The following EFHD2 variants were observed in gnomAD, a reference collection of about 807,000 sequenced individuals.
EFHD2 encodes the protein EF-hand domain family member D2.
EFHD2 carries 12 observed loss-of-function variants against 20.3 expected under a neutral mutation model. The ratio of observed to expected loss-of-function variants is 0.59; its 90% CI spans 0.38 to 0.96. EFHD2 has a LOEUF of 0.96. EFHD2 is among the 40% of genes least tolerant of loss of function. EFHD2 has a pLI of 0.00. For synonymous variants in EFHD2, 131 were observed against 143.9 expected (o/e 0.91, Z 0.64); for missense variants, 250 against 334.3 (o/e 0.75, Z 1.97).
chr1:15,426,651 G>C lies in EFHD2; in HGVS notation c.457-499G>C, dbSNP rs1016782395. ...AAGGAGAGAGGTGGCAGGGGCAGGTGGGGGAGTGCGAGTGGCTGGGCGGGA... is the reference window on the plus strand; with the variant it reads ...AAGGAGAGAGGTGGCAGGGGCAGGTCGGGGAGTGCGAGTGGCTGGGCGGGA... On this transcript the variant is annotated intron_variant, in intron 2 of 3. Coordinates refer to ENST00000375980, the MANE Select transcript of EFHD2 (RefSeq NM_024329.6). This position sits in a 1 kb window ranked among gnomAD's most constrained non-coding sequence, Gnocchi z 4.6. Among the ~76,000 whole-genome samples, 4 of 152,150 alleles carry C rather than the reference G, an allele frequency of 2.6e-5. No individual in the cohort carries two copies. The highest frequency in any genetic ancestry group is 1.9e-4 in the East Asian group (1 of 5,192).
At position 15,412,990 on chromosome 1, in the gene EFHD2, C is replaced by T. The variant is rs534171674; in HGVS notation, c.308+2711C>T. ...GAAGCAAGTGCTGCCTGCCAGGGCC[C>T]GGGTGAGGGTGGAAAGCTGCAGATT... On this transcript the variant is annotated intron_variant, in intron 1 of 3. Transcript: ENST00000375980. 4.6e-5 allele frequency among the ~76,000 whole-genome samples: 7 copies of T among 152,102 alleles called. No individual in the cohort carries two copies. The East Asian group carries it at 9.7e-4, about 21-fold the overall frequency.
At chr1:15,423,083 C>T (rs1205552567) in intron 1 of EFHD2, among the ~76,000 whole-genome samples, 2 of 152,158 alleles carry the variant, frequency 1.3e-5, no homozygotes, top group African/African-American at 2.4e-5. Context: ...GGTCATGTGG[C>T]GCCCGCCCAG....
intron 1 of EFHD2, among the ~76,000 whole-genome samples, chr1:15,416,204 C>T (rs1707667107): frequency 6.6e-6 from 1 of 152,180 alleles, no homozygotes; most frequent in Non-Finnish European, 1.5e-5. Context: ...TCCTCGCTCT[C>T]CTCCATGCTA....
chr1:15,427,307 T>G (rs2103280918), intron 3 of EFHD2, 23 bp downstream of exon 3: 2 of 1,595,774 alleles, frequency 1.3e-6, no homozygotes, highest in Non-Finnish European at 8.5e-7. Flanking sequence ...AGGGGTGCCC[T>G]GACCCACGCT....
At chr1:15,422,780 G>A (rs1393464917) in intron 1 of EFHD2, among the ~76,000 whole-genome samples, 3 of 152,154 alleles carry the variant, frequency 2.0e-5, no homozygotes, top group Non-Finnish European at 2.9e-5. Flanking sequence ...AGAATGGAGT[G>A]AACCCAGGAG....
At chr1:15,427,320 A>T in intron 3 of EFHD2, 36 bp downstream of exon 3, 1 of 1,586,018 alleles carries the variant, frequency 6.3e-7, no homozygotes, top group East Asian at 2.3e-5. Flanking sequence ...CCCACGCTCC[A>T]GGACAAGGGG....
At chr1:15,425,231 G>C (rs559401116) in intron 1 of EFHD2, among the ~76,000 whole-genome samples, 50 of 152,252 alleles carry the variant, frequency 3.3e-4, no homozygotes, top group East Asian at 2.7e-3. Context: ...GTGGTATTGA[G>C]AATTCCTTCT....
intron 1 of EFHD2, among the ~76,000 whole-genome samples, chr1:15,412,034 C>T (rs950631787): frequency 6.6e-6 from 1 of 152,022 alleles, no homozygotes; most frequent in Non-Finnish European, 1.5e-5. Context: ...GTCCTTGACC[C>T]CCGGCCCCTC....
chr1:15,410,202 C>T lies in EFHD2; in HGVS notation c.231C>T (p.Arg77=). 1 of 1,605,982 alleles carries T rather than the reference C, an allele frequency of 6.2e-7. No homozygotes were observed. Among genetic ancestry groups the T allele is most frequent in the Non-Finnish European group, 8.5e-7 (1 of 1,177,156 alleles). ...QGIGEPQSPS[R]RVFNPYTEFK... ...TCGGCGAGCCCCAGTCGCCCAGCCG[C>T]CGCGTCTTCAACCCCTACACCGAGT... The change falls in exon 1 of 4, where the codon CGC becomes CGT. Residue 77 remains arginine (R), a synonymous_variant. Transcript: ENST00000375980.
In EFHD2 at chr1:15,429,146, G is replaced by T. The variant is rs965737719; in HGVS notation, c.*422G>T. 2.9e-4 allele frequency: 57 copies of T among 197,134 alleles called. No homozygotes were observed. The highest frequency in any genetic ancestry group is 1.2e-3 in the African/African-American group (51 of 42,386). The allele number at this position is 197,134 out of a possible 1,614,324, so 12.2% of individuals were successfully genotyped here. ...CTCCAGCAGGCCGCACCGCCCCTGG[G>T]GCCCCCTGCCAGCCCCTTCCCAGGC... On this transcript the variant is annotated 3_prime_UTR_variant, in exon 4 of 4. Coordinates refer to ENST00000375980, the MANE Select transcript of EFHD2 (RefSeq NM_024329.6).
At chr1:15,418,501 T>C (rs1273977602) in intron 1 of EFHD2, among the ~76,000 whole-genome samples, 2 of 150,544 alleles carry the variant, frequency 1.3e-5, no homozygotes, top group Non-Finnish European at 1.5e-5. Context: ...GAGACGGGGT[T>C]TCACCGTGTT....
chr1:15,411,848 G>T (rs1707528056), intron 1 of EFHD2, among the ~76,000 whole-genome samples: 1 of 152,148 alleles, frequency 6.6e-6, no homozygotes, highest in Non-Finnish European at 1.5e-5. Flanking sequence ...CAAGCCGGAA[G>T]CCCAGGAAGG....
At chr1:15,425,335 G>A (rs140996953) in intron 1 of EFHD2, among the ~76,000 whole-genome samples, 1 of 152,208 alleles carries the variant, frequency 6.6e-6, no homozygotes, top group Non-Finnish European at 1.5e-5. Context: ...GACCAGCCTG[G>A]CCAGCATGGT....
Position 15,427,180 on chromosome 1 carries a change from G to T in EFHD2, c.487G>T (p.Gly163Trp). 2 of 1,610,240 alleles carry T rather than the reference G, an allele frequency of 1.2e-6. No individual in the cohort carries two copies. The highest frequency in any genetic ancestry group is 1.1e-5 in the South Asian group (1 of 90,168). ...FLLIFRKAAA[G>W]ELQEDSGLCV... ...CCTGATCTTCCGCAAGGCGGCGGCC[G>T]GGGAGCTTCAGGAGGACAGCGGGCT... Residue 163 changes from glycine to tryptophan, a missense_variant, in exon 3 of 4, where the codon GGG (glycine) becomes TGG (tryptophan). Around this residue, in one of 3 missense-constraint regions of EFHD2, gnomAD observed 100 missense variants for 116.2 expected, o/e 0.86. Coordinates refer to ENST00000375980, the MANE Select transcript of EFHD2 (RefSeq NM_024329.6).
At chr1:15,418,882 G>A (rs1171674775) in intron 1 of EFHD2, among the ~76,000 whole-genome samples, 3 of 152,236 alleles carry the variant, frequency 2.0e-5, no homozygotes, top group African/African-American at 4.8e-5. Context: ...TATGACCTGG[G>A]CTAAGTCGCT....
Position 15,427,953 on chromosome 1 carries a change from A to G in EFHD2, c.592-640A>G, listed in dbSNP as rs540654417. 4.0e-4 allele frequency: 186 copies of G among 470,640 alleles called. 1 individual carries two copies. The highest frequency in any genetic ancestry group is 2.9e-3 in the South Asian group (184 of 64,540). 29.2% of individuals were successfully genotyped at this position (470,640 alleles called of 1,614,324 possible). On this transcript the variant is annotated intron_variant, in intron 3 of 3. Transcript: ENST00000375980. ...ACAGGAAGCAGAGGATCAGGATGGCAGCAGCTTGAGCGACTCCCTTCGAGC... is the reference window on the plus strand; with the variant it reads ...ACAGGAAGCAGAGGATCAGGATGGCGGCAGCTTGAGCGACTCCCTTCGAGC...
In EFHD2 at chr1:15,410,318, G is replaced by A. The variant is rs924667617; in HGVS notation, c.308+39G>A. 3 of 1,476,302 alleles carry A rather than the reference G, an allele frequency of 2.0e-6. No homozygotes were observed. The Admixed American group carries it at 6.5e-5, about 32-fold the overall frequency. 91.5% of individuals were successfully genotyped at this position (1,476,302 alleles called of 1,614,324 possible). ...CGACCCGGCCCCCCGCCCGCCCCGCGACCCGGTCTCGGGCCCCGAACCCCC... is the reference window on the plus strand; with the variant it reads ...CGACCCGGCCCCCCGCCCGCCCCGCAACCCGGTCTCGGGCCCCGAACCCCC... On this transcript the variant is annotated intron_variant, in intron 1 of 3. Coordinates refer to ENST00000375980, the MANE Select transcript of EFHD2 (RefSeq NM_024329.6).
At position 15,427,001 on chromosome 1, in the gene EFHD2, C is replaced by A; in HGVS notation, c.457-149C>A. 2.8e-6 allele frequency: 3 copies of A among 1,069,114 alleles called. No individual in the cohort carries two copies. The South Asian group carries it at 4.9e-5, about 18-fold the overall frequency. The allele number at this position is 1,069,114 out of a possible 1,614,324, so 66.2% of individuals were successfully genotyped here. A position where few individuals can be genotyped will look rare whatever the true frequency, so the allele number is the denominator to read the frequency against. The stretch of plus-strand genomic sequence containing the variant: ...GGCAGAGGCCCAGTGAAGGGGCTCA[C>A]GGGAGCAGCAAGGGGCGAGACCCAG... On this transcript the variant is annotated intron_variant, in intron 2 of 3. Transcript: ENST00000375980.
In EFHD2 at chr1:15,427,156, C is replaced by T; in HGVS notation, c.463C>T (p.Leu155=). 2 of 1,612,540 alleles carry T rather than the reference C, an allele frequency of 1.2e-6. No individual in the cohort carries two copies. The highest frequency in any genetic ancestry group is 1.7e-6 in the Non-Finnish European group (2 of 1,179,418). ...GCCTCCCTCCCCGCTGCAGTTCCTCCTGATCTTCCGCAAGGCGGCGGCCGG... is the reference window on the plus strand; with the variant it reads ...GCCTCCCTCCCCGCTGCAGTTCCTCTTGATCTTCCGCAAGGCGGCGGCCGG... The part of the protein sequence containing the change: ...DSKLSFREFL[L]IFRKAAAGEL... The change falls in exon 3 of 4, where the codon CTG becomes TTG. Residue 155 remains leucine, a synonymous_variant. Transcript: ENST00000375980.
Sources: gnomAD v4.1 joint callset for allele counts (sites outside exome capture counted in the v4.1 genomes callset) on GRCh38, gnomAD v4.1.1 for gene constraint, gnomAD v4.1.1 regional missense constraint, Gnocchi (gnomAD v3.1) non-coding constraint, MANE v1.5 for transcripts, NCBI Gene and HGNC (gene_info 2026-07-23, HGNC 2026-07-21) for gene names.